The following PHLDB3 variants were observed in gnomAD, a reference collection of about 807,000 sequenced individuals.
PHLDB3 encodes pleckstrin homology like domain family B member 3.
Under a neutral mutation model 85.7 loss-of-function variants are expected in PHLDB3, and 86 were observed. The ratio of observed to expected loss-of-function variants is 1.00; its 90% CI spans 0.84 to 1.20. The LOEUF (loss-of-function observed/expected upper bound fraction) is 1.20. PHLDB3 is among the 50% of genes most tolerant of loss of function. PHLDB3 has a pLI of 0.00. For missense variants in PHLDB3, 995 were observed against 873.0 expected, an observed-to-expected ratio of 1.14 and a Z score of -1.76; for synonymous variants, 376 against 349.8, an observed-to-expected ratio of 1.07 and a Z score of -0.83.
chr19:43,487,265 G>A (rs1971192204), intron 9 of PHLDB3, 142 bp from the exon 10 acceptor site: 2 of 688,790 alleles, frequency 2.9e-6, no homozygotes, highest in East Asian at 5.5e-5. Context: ...ACCTCACAGG[G>A]GTATGATCCC....
intron 4 of PHLDB3, 134 bp from the exon 5 acceptor site, chr19:43,498,010 C>A: frequency 7.5e-7 from 1 of 1,331,978 alleles, no homozygotes; most frequent in Non-Finnish European, 1.0e-6. Flanking sequence ...CACTCCTGTG[C>A]AGGCCTGCCT....
chr19:43,486,357 C>A, intron 12 of PHLDB3, 35 bp from the exon 13 acceptor site: 1 of 1,579,732 alleles, frequency 6.3e-7, no homozygotes, highest in African/African-American at 1.3e-5. Context: ...AATGAGGATC[C>A]CAGCCCATAA....
chr19:43,499,105 C>T (rs976010449), intron 4 of PHLDB3, among the ~76,000 whole-genome samples: 61 of 152,034 alleles, frequency 4.0e-4, no homozygotes, highest in African/African-American at 1.4e-3. Context: ...GTCCTCCAAG[C>T]AATGAGGGTG....
chr19:43,487,585 A>AAAAAAAAAC (rs1568477408), intron 9 of PHLDB3, among the ~76,000 whole-genome samples: 6 of 141,708 alleles, frequency 4.2e-5, no homozygotes, highest in East Asian at 2.1e-4. Flanking sequence ...AAAAAAAAAA[A>AAAAAAAAAC]AAAAAAACAC....
At chr19:43,503,475 G>C (rs59827264) in intron 2 of PHLDB3, among the ~76,000 whole-genome samples, 26,376 of 151,794 alleles carry the variant, frequency 0.17, 2,374 homozygotes, top group Non-Finnish European at 0.19. Flanking sequence ...GACAATTTTT[G>C]TATTTTTTTT....
In PHLDB3 at chr19:43,502,097, T is replaced by C; in HGVS notation, c.396+4A>G. On this transcript the variant is annotated splice_donor_region_variant and intron_variant, in intron 3 of 15. Coordinates refer to ENST00000292140, the MANE Select transcript of PHLDB3 (RefSeq NM_198850.4). ...CAGGCTTCCCAAGGGGTCCGCAGCC[T>C]CACCTCGATCCTCAGCTCCTTCCTC... 1.3e-6 allele frequency: 2 copies of C among 1,567,684 alleles called. No individual in the cohort carries two copies. Among genetic ancestry groups the C allele is most frequent in the Non-Finnish European group, 1.7e-6 (2 of 1,157,068 alleles).
Position 43,502,119 on chromosome 19 carries a change from C to T in PHLDB3, c.378G>A (p.Arg126=). The change falls in exon 3 of 16, where the codon AGG becomes AGA. Residue 126 remains arginine, a synonymous_variant. Transcript: ENST00000292140. ...EQRVKELQRQ[R]KELRIEMEVE... ...GCCTCACCTCGATCCTCAGCTCCTT[C>T]CTCTGGCGCTGTAGCTCCTTCACTC... is the stretch of plus-strand genomic sequence containing the variant. 1 of 1,575,608 alleles carries T rather than the reference C, an allele frequency of 6.3e-7. No homozygotes were observed. The highest frequency in any genetic ancestry group is 1.2e-5 in the South Asian group (1 of 85,732).
chr19:43,497,952 T>C, intron 4 of PHLDB3, 76 bp from the exon 5 acceptor site: 1 of 1,524,374 alleles, frequency 6.6e-7, no homozygotes, highest in Non-Finnish European at 8.8e-7. Flanking sequence ...TCTCAGAGCC[T>C]GCCTGGGGTG....
chr19:43,494,948 G>T, intron 8 of PHLDB3, 133 bp from the exon 9 acceptor site: 1 of 676,964 alleles, frequency 1.5e-6, no homozygotes, highest in South Asian at 1.8e-5. Flanking sequence ...GATGGAATGT[G>T]GTCCTTCGTG....
At chr19:43,492,376 G>C (rs1002039806) in intron 9 of PHLDB3, among the ~76,000 whole-genome samples, 1 of 151,952 alleles carries the variant, frequency 6.6e-6, no homozygotes, top group Non-Finnish European at 1.5e-5. Flanking sequence ...ATGAGCTGAC[G>C]CACACTGTTA....
chr19:43,482,968 C>T lies in PHLDB3; in HGVS notation c.1485+3298G>A, dbSNP rs142122788. ...CTATTTATTTTACATATTGATGTTG[C>T]TTTGTGTCCATCTTCCCCCTTAAAA... is the stretch of plus-strand genomic sequence containing the variant. On this transcript the variant is annotated intron_variant, in intron 13 of 15. Coordinates refer to ENST00000292140, the MANE Select transcript of PHLDB3 (RefSeq NM_198850.4). Among the ~76,000 whole-genome samples the T allele has an allele frequency of 1.8e-3, 277 of 152,296 alleles. 3 individuals are homozygous for T. Among genetic ancestry groups the T allele is most frequent in the African/African-American group, 6.0e-3 (248 of 41,568 alleles).
intron 15 of PHLDB3, 72 bp downstream of exon 15, chr19:43,477,975 C>T: frequency 7.9e-7 from 1 of 1,273,254 alleles, no homozygotes; most frequent in East Asian, 2.4e-5. Flanking sequence ...CAGGATGAGC[C>T]AGGGATGAGA....
chr19:43,487,591 A>AAAAAAAAAAAAAAAAAAAAAACAC (rs1167897767), intron 9 of PHLDB3, among the ~76,000 whole-genome samples: 7 of 115,766 alleles, frequency 6.0e-5, no homozygotes, highest in Admixed American at 1.6e-4. Flanking sequence ...AAAAAAAAAA[A>AAAAAAAAAAAAAAAAAAAAAACAC]ACACAGAAAA....
chr19:43,497,825 T>G lies in PHLDB3; in HGVS notation c.586A>C (p.Arg196=). Residue 196 remains arginine, a synonymous_variant, in exon 5 of 16, where the codon AGA becomes CGA. Coordinates refer to ENST00000292140, the MANE Select transcript of PHLDB3 (RefSeq NM_198850.4). ...ERDRLEGLRQ[R]LRKAQGQLDS... ...AGCTGTCCCTGGGCCTTGCGGAGTCTCTGGCGAAGACCCTCTAGGCGATCC... is the reference window on the plus strand; with the variant it reads ...AGCTGTCCCTGGGCCTTGCGGAGTCGCTGGCGAAGACCCTCTAGGCGATCC... 6.4e-7 allele frequency: 1 copy of G among 1,569,352 alleles called. No homozygotes were observed. The highest frequency in any genetic ancestry group is 8.6e-7 in the Non-Finnish European group (1 of 1,157,454).
At chr19:43,500,895 G>GGCCC (rs1971570922) in intron 4 of PHLDB3, among the ~76,000 whole-genome samples, 2 of 33,574 alleles carry the variant, frequency 6.0e-5, no homozygotes, top group East Asian at 9.7e-4. Flanking sequence ...CTCCCACTTT[G>GGCCC]CCCCGCCCCC....
intron 9 of PHLDB3, among the ~76,000 whole-genome samples, chr19:43,488,184 G>A (rs1001496633): frequency 3.3e-5 from 5 of 151,760 alleles, no homozygotes; most frequent in African/African-American, 9.7e-5. Context: ...GCAGCCAGGC[G>A]CAGTGGCTCA....
intron 13 of PHLDB3, among the ~76,000 whole-genome samples, chr19:43,482,710 G>A (rs968330258): frequency 1.3e-5 from 2 of 152,068 alleles, no homozygotes; most frequent in Non-Finnish European, 2.9e-5. Context: ...GATGATTTTT[G>A]TATTTTCAGT....
Position 43,479,354 on chromosome 19 carries a change from C to T in PHLDB3, c.1702+23G>A, listed in dbSNP as rs1224087773. The T allele has an allele frequency of 7.7e-6, 12 of 1,551,540 alleles. No individual in the cohort carries two copies. In the East Asian group the frequency reaches 2.7e-4, roughly 35 times the overall value. ...AGTGGAATTCCAGCGTCCTGGGGCCCATGGTGGCCAGGCTGGGCTTACCCG... is the reference window on the plus strand; with the variant it reads ...AGTGGAATTCCAGCGTCCTGGGGCCTATGGTGGCCAGGCTGGGCTTACCCG... On this transcript the variant is annotated intron_variant, in intron 14 of 15. Coordinates refer to ENST00000292140, the MANE Select transcript of PHLDB3 (RefSeq NM_198850.4).
chr19:43,479,408 G>C lies in PHLDB3; in HGVS notation c.1671C>G (p.Asp557Glu). ...AGTAGGCCAAGCGGCGGGCTTGGCGGTCAAAGCAGAACCATCGCTTCCTCC... is the reference window on the plus strand; with the variant it reads ...AGTAGGCCAAGCGGCGGGCTTGGCGCTCAAAGCAGAACCATCGCTTCCTCC... Reference protein sequence around the residue: ...KTWRKRWFCFDRQARRLAYYA... With the variant: ...KTWRKRWFCFERQARRLAYYA... Residue 557 changes from aspartate (D) to glutamate (E), a missense_variant, in exon 14 of 16, where the codon GAC becomes GAG. Coordinates refer to ENST00000292140, the MANE Select transcript of PHLDB3 (RefSeq NM_198850.4). The C allele has an allele frequency of 1.3e-6, 2 of 1,564,168 alleles. No individual in the cohort carries two copies. The highest frequency in any genetic ancestry group is 1.7e-6 in the Non-Finnish European group (2 of 1,154,972).
Sources: gnomAD v4.1 joint callset for allele counts (sites outside exome capture counted in the v4.1 genomes callset) on GRCh38, gnomAD v4.1.1 for gene constraint, MANE v1.5 for transcripts, NCBI Gene and HGNC (gene_info 2026-07-23, HGNC 2026-07-21) for gene names.